Variants in TET2 observed in about 807,000 individuals in gnomAD.
The protein encoded by TET2 is tet methylcytosine dioxygenase 2, also known as methylcytosine dioxygenase TET2.
TET2 carries 299 observed loss-of-function variants against 142.9 expected under a neutral mutation model. The ratio of observed to expected loss-of-function variants is 2.09; its 90% confidence interval spans 1.90 to 2.30. The LOEUF (loss-of-function observed/expected upper bound fraction) is 2.30, where lower values mean the gene tolerates loss of function less well. Among genes scored for constraint, TET2 ranks in the 30% most tolerant of loss-of-function variants. The pLI, the probability that TET2 is intolerant of heterozygous loss-of-function variation, is 0.00. For synonymous variants in TET2, 819 were observed against 849.0 expected, an observed-to-expected ratio of 0.96 and a Z score of 0.61; for missense variants, 2,418 against 2,378.0, an observed-to-expected ratio of 1.02 and a Z score of -0.35.
chr4:105,155,335 A>G (rs1723512570), intron 1 of TET2, among the ~76,000 whole-genome samples: 2 of 152,248 alleles, frequency 1.3e-5, no homozygotes, highest in African/African-American at 4.8e-5. Flanking sequence ...TTGAAAAGGA[A>G]ATTGCTTTGC....
chr4:105,268,844 G>A lies in TET2; in HGVS notation c.4045-766G>A, dbSNP rs184960552. On this transcript the variant is annotated intron_variant, in intron 8 of 10. Coordinates refer to ENST00000380013, the MANE Select transcript of TET2 (RefSeq NM_001127208.3). The stretch of plus-strand genomic sequence containing the variant: ...AAAAATTACTGGGGCATGGTGGCGC[G>A]TGCTTATAGTCCCAGCTGCTTGGGA... Among the ~76,000 whole-genome samples the A allele has an allele frequency of 3.4e-4, 51 of 152,192 alleles. 1 individual carries two copies. Among genetic ancestry groups the A allele is most frequent in the Admixed American group, 2.9e-3 (44 of 15,280 alleles).
chr4:105,184,517 C>G (rs1474820258), intron 1 of TET2, among the ~76,000 whole-genome samples: 1 of 152,148 alleles, frequency 6.6e-6, no homozygotes, highest in Non-Finnish European at 1.5e-5. Context: ...GAGTTCTTTA[C>G]TGGGAGTCAC....
intron 1 of TET2, among the ~76,000 whole-genome samples, chr4:105,161,695 G>T (rs1723867657): frequency 6.6e-6 from 1 of 152,186 alleles, no homozygotes; most frequent in Non-Finnish European, 1.5e-5. Flanking sequence ...TACTAAAAAA[G>T]GGATTCAAAT....
rs1048894866 is a variant in TET2, at chr4:105,275,418, C to T, written c.4908C>T (p.Asn1636=). The T allele has an allele frequency of 5.2e-6, 8 of 1,551,628 alleles. No homozygotes were observed. Among genetic ancestry groups the T allele is most frequent in the Non-Finnish European group, 7.0e-6 (8 of 1,146,968 alleles). ...ATCCATCATATCAATGCAATGGAAA[C>T]CTATCAGTGGACAACTGCTCCCCAT... ...TQYPSYQCNG[N]LSVDNCSPYL... Residue 1636 remains asparagine, a synonymous_variant, in exon 11 of 11, where the codon AAC becomes AAT. Coordinates refer to ENST00000380013, the MANE Select transcript of TET2 (RefSeq NM_001127208.3).
At chr4:105,226,235 G>A (rs1728183310) in intron 2 of TET2, among the ~76,000 whole-genome samples, 1 of 152,034 alleles carries the variant, frequency 6.6e-6, no homozygotes, top group Non-Finnish European at 1.5e-5. Flanking sequence ...TAGTCCCTGT[G>A]GGAGCCTCTG....
chr4:105,181,787 A>G lies in TET2; in HGVS notation c.-192-8573A>G, dbSNP rs146883456. Among the ~76,000 whole-genome samples the G allele has an allele frequency of 9.5e-4, 145 of 152,278 alleles. 2 individuals are homozygous for G. In the South Asian group the frequency reaches 0.011, roughly 11 times the overall value. On this transcript the variant is annotated intron_variant, in intron 1 of 10. Coordinates refer to ENST00000380013, the MANE Select transcript of TET2 (RefSeq NM_001127208.3). ...ATGAGTTACTTTGATGAAAAATACT[A>G]TGTCACAATTTGTTATAAAAATACT...
intron 6 of TET2, among the ~76,000 whole-genome samples, chr4:105,255,604 A>G (rs1730083956): frequency 6.6e-6 from 1 of 151,990 alleles, no homozygotes. Flanking sequence ...TATTCCTTTA[A>G]TTCTGCCATT....
At chr4:105,274,032 T>A (rs1007607459) in intron 10 of TET2, among the ~76,000 whole-genome samples, 1 of 152,242 alleles carries the variant, frequency 6.6e-6, no homozygotes, top group African/African-American at 2.4e-5. Flanking sequence ...CTGATTCATT[T>A]CCAAGCTCAG....
chr4:105,187,048 G>T (rs776790385), intron 1 of TET2, among the ~76,000 whole-genome samples: 2 of 152,106 alleles, frequency 1.3e-5, no homozygotes, highest in Non-Finnish European at 2.9e-5. Flanking sequence ...CAGTCAACCA[G>T]ATAACTGCTG....
intron 1 of TET2, among the ~76,000 whole-genome samples, chr4:105,148,489 T>C (rs1406525501): frequency 1.3e-5 from 2 of 152,208 alleles, no homozygotes; most frequent in Non-Finnish European, 1.5e-5. Context: ...TTCAAAGATA[T>C]TCATCAACAA....
rs62621450 is a variant in TET2, at chr4:105,275,843, A to G, written c.5333A>G (p.His1778Arg). Residue 1778 changes from histidine (H) to arginine (R), a missense_variant, in exon 11 of 11, where the codon CAT becomes CGT. By Grantham distance (29) the His-to-Arg change is conservative (BLOSUM62 0). Coordinates refer to ENST00000380013, the MANE Select transcript of TET2 (RefSeq NM_001127208.3). The stretch of plus-strand genomic sequence containing the variant: ...CCGGGCATGTTCAACAGCTCTCTTC[A>G]TGCCCTGCATCTCCAAAACAAGGAG... ...AAPGMFNSSLHALHLQNKEND... is the reference protein window; with the variant it reads ...AAPGMFNSSLRALHLQNKEND... 0.039 allele frequency: 60,435 copies of G among 1,551,808 alleles called. 2,446 individuals are homozygous for G. The highest frequency in any genetic ancestry group is 0.21 in the African/African-American group (15,241 of 73,110).
chr4:105,172,509 T>G (rs1724530727), intron 1 of TET2: 1 of 152,234 alleles, frequency 6.6e-6, no homozygotes, highest in Admixed American at 6.5e-5. Flanking sequence ...AAGGATGGGT[T>G]GGTCTTGCTG....
intron 2 of TET2, among the ~76,000 whole-genome samples, chr4:105,219,073 GTTAT>G (rs963067350): frequency 6.6e-6 from 1 of 151,844 alleles, no homozygotes; most frequent in Non-Finnish European, 1.5e-5. Context: ...TGATAGACTG[GTTAT>G]TTTGTTTATG....
intron 7 of TET2, 49 bp downstream of exon 7, chr4:105,259,818 C>A (rs775844230): frequency 6.6e-7 from 1 of 1,523,614 alleles, no homozygotes. Flanking sequence ...ATAGAGAATT[C>A]ATTAGCTTAG....
rs1731145190 is a variant in TET2, at chr4:105,275,188, T to C, written c.4678T>C (p.Tyr1560His). ...HHPQTESVNSYSASGSTNPYM... is the reference protein window; with the variant it reads ...HHPQTESVNSHSASGSTNPYM... ...CCCTCAGACAGAGTCTGTCAACTCT[T>C]ATTCTGCTTCTGGATCCACCAATCC... The change falls in exon 11 of 11, where the codon TAT (tyrosine) becomes CAT (histidine). Residue 1560 changes from tyrosine (Y) to histidine (H), a missense_variant. Coordinates refer to ENST00000380013, the MANE Select transcript of TET2 (RefSeq NM_001127208.3). The C allele has an allele frequency of 6.4e-7, 1 of 1,552,108 alleles. No homozygotes were observed. Among genetic ancestry groups the C allele is most frequent in the South Asian group, 1.2e-5 (1 of 84,058 alleles).
At chr4:105,256,855 T>C (rs754826226) in intron 6 of TET2, among the ~76,000 whole-genome samples, 2 of 152,160 alleles carry the variant, frequency 1.3e-5, no homozygotes, top group African/African-American at 2.4e-5. Context: ...AACTCTGCTA[T>C]TGAACCCCTC....
chr4:105,256,005 A>G (rs1352908671), intron 6 of TET2, among the ~76,000 whole-genome samples: 2 of 152,150 alleles, frequency 1.3e-5, no homozygotes, highest in African/African-American at 4.8e-5. Flanking sequence ...CAATATAAGG[A>G]AACTTTGTTC....
intron 2 of TET2, among the ~76,000 whole-genome samples, chr4:105,219,436 G>A (rs1032864678): frequency 3.3e-5 from 5 of 152,098 alleles, no homozygotes; most frequent in African/African-American, 1.2e-4. Context: ...ATATTTTTGA[G>A]AAGGAGCAGA....
At chr4:105,251,926 C>T (rs758697833) in intron 6 of TET2, among the ~76,000 whole-genome samples, 3 of 152,168 alleles carry the variant, frequency 2.0e-5, no homozygotes, top group Non-Finnish European at 4.4e-5. Flanking sequence ...ATGAAAGGCA[C>T]AGAGCTTCCT....
Sources: allele counts gnomAD v4.1 joint callset (sites outside exome capture counted in the v4.1 genomes callset), GRCh38; gene constraint gnomAD v4.1.1; transcripts MANE v1.5; gene names NCBI Gene and HGNC (gene_info 2026-07-23, HGNC 2026-07-21).